NR3C1: variants seen among roughly 807,000 people sequenced by gnomAD.
NR3C1 encodes glucocorticoid receptor.
NR3C1 carries 14 observed loss-of-function variants against 74.0 expected under a neutral mutation model. The observed-to-expected ratio is 0.19, with a 90% CI of 0.12 to 0.30. The LOEUF (loss-of-function observed/expected upper bound fraction) is 0.30, where lower values mean the gene tolerates loss of function less well. Ranked by LOEUF, NR3C1 falls within the 10% of genes least tolerant of loss-of-function variation. NR3C1 has a pLI of 1.00. For synonymous variants in NR3C1, 308 were observed against 332.5 expected (o/e 0.93, Z 0.80); for missense variants, 695 against 909.8 (o/e 0.76, Z 3.04).
intron 3 of NR3C1, 110 bp from the exon 4 acceptor site, chr5:143,310,323 A>G: frequency 1.3e-6 from 1 of 792,250 alleles, no homozygotes; most frequent in South Asian, 1.4e-5. Flanking sequence ...ACCCACAGGT[A>G]TTGCCTTGAG....
At chr5:143,404,309 G>A (rs1840901433), upstream of NR3C1, 8 of 985,654 alleles carry the variant, frequency 8.1e-6, no homozygotes, top group Non-Finnish European at 9.6e-6. Context: ...GGGGCCGGGC[G>A]GCCTGACACG....
chr5:143,348,197 T>C (rs574051391), intron 2 of NR3C1, among the ~76,000 whole-genome samples: 1 of 152,292 alleles, frequency 6.6e-6, no homozygotes, highest in South Asian at 2.1e-4. Flanking sequence ...GGAGCTTCAA[T>C]TACAAAATTT....
intron 1 of NR3C1, among the ~76,000 whole-genome samples, chr5:143,416,335 T>C (rs1450643352): frequency 6.6e-6 from 1 of 152,140 alleles, no homozygotes; most frequent in South Asian, 2.1e-4. Flanking sequence ...ACACCTTAAT[T>C]CTTGGCTTTC....
chr5:143,434,083 T>C (rs1233630690), intron 1 of NR3C1, among the ~76,000 whole-genome samples: 1 of 152,220 alleles, frequency 6.6e-6, no homozygotes, highest in East Asian at 1.9e-4. Flanking sequence ...CTTTACTTTA[T>C]TCAGACCCCT....
chr5:143,372,169 C>T (rs887392717), intron 2 of NR3C1, among the ~76,000 whole-genome samples: 1 of 152,174 alleles, frequency 6.6e-6, no homozygotes, highest in African/African-American at 2.4e-5. Context: ...TCATTCTTAT[C>T]ATAGATCTTA....
intron 2 of NR3C1, among the ~76,000 whole-genome samples, chr5:143,356,681 T>G: frequency 9.2e-6 from 1 of 108,660 alleles, no homozygotes; most frequent in Non-Finnish European, 1.8e-5. Context: ...TCACAATTTG[T>G]ATTTCTCAAA....
rs769830403 is a variant in NR3C1 at position 143,310,079 on chromosome 5, T to C, written c.1468+18A>G. ...TAAGCTACAGAGACAAACAATTGCTTTCAGATATTTATATTACCTTCCAGG... is the reference window on the plus strand; with the variant it reads ...TAAGCTACAGAGACAAACAATTGCTCTCAGATATTTATATTACCTTCCAGG... On this transcript the variant is annotated intron_variant, in intron 4 of 8. Transcript: ENST00000394464. 6.4e-7 allele frequency: 1 copy of C among 1,551,974 alleles called. No homozygotes were observed. The highest frequency in any genetic ancestry group is 1.1e-5 in the South Asian group (1 of 89,746).
At chr5:143,284,845 TG>T (rs774736915) in intron 7 of NR3C1, among the ~76,000 whole-genome samples, 28 of 152,130 alleles carry the variant, frequency 1.8e-4, no homozygotes, top group Admixed American at 3.9e-4. Context: ...CCTTTGTGCT[TG>T]AAAGTAATTA....
chr5:143,404,016 C>T (rs1177685248), upstream of NR3C1: 2 of 985,382 alleles, frequency 2.0e-6, no homozygotes, highest in Non-Finnish European at 2.4e-6. Flanking sequence ...TTAAGAGGGC[C>T]ACCGAGTTTC....
At chr5:143,339,169 C>T (rs1159642522) in intron 2 of NR3C1, among the ~76,000 whole-genome samples, 1 of 152,130 alleles carries the variant, frequency 6.6e-6, no homozygotes, top group Non-Finnish European at 1.5e-5. Context: ...CAGAACCTAT[C>T]TCTGTTGTTA....
chr5:143,397,224 C>T (rs1433698054), intron 2 of NR3C1, among the ~76,000 whole-genome samples: 4 of 151,618 alleles, frequency 2.6e-5, no homozygotes, highest in Non-Finnish European at 4.4e-5. Context: ...TTTAAAAAGT[C>T]AAATTGCAAT....
At chr5:143,310,267 A>G in intron 3 of NR3C1, 54 bp from the exon 4 acceptor site, 1 of 1,232,738 alleles carries the variant, frequency 8.1e-7, no homozygotes, top group Non-Finnish European at 1.2e-6. Flanking sequence ...AACATATTTT[A>G]TAAGGACAGC....
intron 2 of NR3C1, among the ~76,000 whole-genome samples, chr5:143,363,495 C>T (rs540154510): frequency 6.6e-6 from 1 of 152,172 alleles, no homozygotes; most frequent in African/African-American, 2.4e-5. Flanking sequence ...ATTGCGTGAA[C>T]CCAGGAGGTG....
chr5:143,333,444 A>G (rs796702040), intron 2 of NR3C1, among the ~76,000 whole-genome samples: 2 of 152,108 alleles, frequency 1.3e-5, no homozygotes, highest in Non-Finnish European at 2.9e-5. Context: ...ATAGCCTAAG[A>G]GTTATAGGCT....
At chr5:143,432,051 C>T (rs902718221) in intron 1 of NR3C1, among the ~76,000 whole-genome samples, 5 of 152,172 alleles carry the variant, frequency 3.3e-5, no homozygotes, top group Admixed American at 6.5e-5. Context: ...ATGTGTACGA[C>T]TATCAGGGTT....
chr5:143,360,068 T>C (rs962154732), intron 2 of NR3C1, among the ~76,000 whole-genome samples: 21 of 152,240 alleles, frequency 1.4e-4, no homozygotes, highest in Admixed American at 6.5e-5. Context: ...GTTTAAGTGG[T>C]ATTTGTGGTT....
In NR3C1 at chr5:143,278,264, T is replaced by TA. The variant is rs1325322772; in HGVS notation, c.*3624dup. The TA allele has an allele frequency of 6.6e-6, 1 of 152,198 alleles. No individual in the cohort carries two copies. Among genetic ancestry groups the TA allele is most frequent in the Non-Finnish European group, 1.5e-5 (1 of 68,034 alleles). The allele number at this position is 152,198 out of a possible 1,614,324, so 9.4% of individuals were successfully genotyped here. A position where few individuals can be genotyped will look rare whatever the true frequency, so the allele number is the denominator to read the frequency against. ...AAAAAATAATGAAAAAGCTTCTTAA[T>TA]AATGCCATACACAGTATAATATAGA... On this transcript the variant is annotated 3_prime_UTR_variant, in exon 9 of 9. Coordinates refer to ENST00000394464, the MANE Select transcript of NR3C1 (RefSeq NM_000176.3).
chr5:143,383,094 T>C (rs1372175100), intron 2 of NR3C1, among the ~76,000 whole-genome samples: 3 of 152,254 alleles, frequency 2.0e-5, no homozygotes, highest in Non-Finnish European at 2.9e-5. Flanking sequence ...TGAAATTGGA[T>C]GGCATTTTAG....
intron 2 of NR3C1, among the ~76,000 whole-genome samples, chr5:143,390,756 T>C (rs1838085158): frequency 1.3e-5 from 2 of 152,222 alleles, no homozygotes; most frequent in Admixed American, 1.3e-4. Flanking sequence ...TAGAAATATC[T>C]ATGTGGGCTC....
Sources: gnomAD v4.1 joint callset for allele counts (sites outside exome capture counted in the v4.1 genomes callset) on GRCh38, gnomAD v4.1.1 for gene constraint, MANE v1.5 for transcripts, NCBI Gene and HGNC (gene_info 2026-07-23, HGNC 2026-07-21) for gene names.